DGKH: variants seen among roughly 807,000 people sequenced by gnomAD.
DGKH encodes diacylglycerol kinase eta, also known as DAG kinase eta.
In DGKH, 90 loss-of-function variants were observed where a neutral mutation model predicts 159.3. The observed-to-expected ratio is 0.57, with a 90% CI of 0.48 to 0.67. The LOEUF (loss-of-function observed/expected upper bound fraction) is 0.67, where lower values mean the gene tolerates loss of function less well. Among genes scored for constraint, DGKH ranks in the 30% least tolerant of loss-of-function variants. The pLI is 0.00. For missense variants in DGKH, 1,181 were observed against 1,506.1 expected (o/e 0.78, Z 3.57); for synonymous variants, 536 against 553.8 (o/e 0.97, Z 0.45).
chr13:42,239,390 T>C lies in DGKH; in HGVS notation c.*10202T>C, dbSNP rs1455321355. ...TTAGGTTTTTCTGCCAAGAAACTCA[T>C]AAACTAAAGTATGGAATAACACAAA... On this transcript the variant is annotated 3_prime_UTR_variant, in exon 30 of 30. Transcript: ENST00000337343. 1.3e-5 allele frequency: 2 copies of C among 152,632 alleles called. No homozygotes were observed. Among genetic ancestry groups the C allele is most frequent in the South Asian group, 2.1e-4 (1 of 4,836 alleles). The allele number at this position is 152,632 out of a possible 1,614,324, so 9.5% of individuals were successfully genotyped here. A position where few individuals can be genotyped will look rare whatever the true frequency, so the allele number is the denominator to read the frequency against.
At position 42,048,828 on chromosome 13, in the gene DGKH, G is replaced by A; in HGVS notation, c.55G>A (p.Ala19Thr). ...TCCGGGCGCCGCTGGAGGAGCGGCCGCCGGAGCCGGCGCCGCGGTCACCTC... is the reference window on the plus strand; with the variant it reads ...TCCGGGCGCCGCTGGAGGAGCGGCCACCGGAGCCGGCGCCGCGGTCACCTC... ...HPPGAAGGAA[A>T]GAGAAVTSAA... is the part of the protein sequence containing the mutation. Residue 19 changes from alanine (A) to threonine (T), a missense_variant, in exon 1 of 30, where the codon GCC (alanine) becomes ACC (threonine). Coordinates refer to ENST00000337343, the MANE Select transcript of DGKH (RefSeq NM_178009.5). The surrounding 1 kb of genome is among the most constrained non-coding windows in gnomAD (Gnocchi z 6.7). The A allele has an allele frequency of 1.5e-6, 2 of 1,339,700 alleles. No individual in the cohort carries two copies. Among genetic ancestry groups the A allele is most frequent in the Non-Finnish European group, 1.9e-6 (2 of 1,042,990 alleles). 83.0% of individuals were successfully genotyped at this position (1,339,700 alleles called of 1,614,324 possible).
intron 17 of DGKH, among the ~76,000 whole-genome samples, chr13:42,197,434 A>ATGTTTT (rs1957230207): frequency 6.6e-6 from 1 of 152,080 alleles, no homozygotes; most frequent in African/African-American, 2.4e-5. Flanking sequence ...ATTCAAAACT[A>ATGTTTT]TGACATTAAA....
rs1263555212 is a variant in DGKH at position 42,249,492 on chromosome 13, A to C, written n.4055-2917A>C. 1.3e-5 allele frequency among the ~76,000 whole-genome samples: 2 copies of C among 152,154 alleles called. 1 individual carries two copies. The highest frequency in any genetic ancestry group is 4.1e-4 in the South Asian group (2 of 4,824). On this transcript the variant is annotated intron_variant and non_coding_transcript_variant, in intron 29 of 30. Transcript: ENST00000498255. ...ACCTATTAAACTGATTTTGTAACCC[A>C]CTAATGAGAAGGTCAGCAAACTTTT...
At chr13:42,193,497 A>G (rs1957131901) in intron 16 of DGKH, among the ~76,000 whole-genome samples, 1 of 152,232 alleles carries the variant, frequency 6.6e-6, no homozygotes, top group Non-Finnish European at 1.5e-5. Context: ...AGGCACATTT[A>G]TTGTATCATC....
chr13:42,159,818 A>G (rs1956133482), intron 6 of DGKH, among the ~76,000 whole-genome samples, 193 bp from the exon 7 acceptor site: 1 of 152,226 alleles, frequency 6.6e-6, no homozygotes, highest in African/African-American at 2.4e-5. Flanking sequence ...CCTGAAGGGA[A>G]AAGCTTTTAC....
chr13:42,251,192 T>C lies in DGKH; in HGVS notation n.4055-1217T>C, dbSNP rs554627750. The stretch of plus-strand genomic sequence containing the variant: ...AGCTCTGTGAATTTAAATATTTGTA[T>C]TGGCCGGGCACAGTGGCTCACACCT... On this transcript the variant is annotated intron_variant and non_coding_transcript_variant, in intron 29 of 30. Transcript: ENST00000498255. Among the ~76,000 whole-genome samples, 8 of 152,302 alleles carry C rather than the reference T, an allele frequency of 5.3e-5. No homozygotes were observed. The South Asian group carries it at 1.0e-3, about 20-fold the overall frequency.
At position 42,221,114 on chromosome 13, in the gene DGKH, GA is replaced by G; in HGVS notation, c.3443-148del. On this transcript the variant is annotated intron_variant, in intron 28 of 29. Transcript: ENST00000337343. ...TGTGTAACTTGCATGGGAAAAAGTGGAACTATGGTTTTGTTGAAACAACACC... is the reference window on the plus strand; with the variant it reads ...TGTGTAACTTGCATGGGAAAAAGTGGACTATGGTTTTGTTGAAACAACACC... 4.0e-6 allele frequency: 4 copies of G among 1,005,058 alleles called. No homozygotes were observed. In the South Asian group the frequency reaches 7.0e-5, roughly 18 times the overall value. The allele number at this position is 1,005,058 out of a possible 1,614,324, so 62.3% of individuals were successfully genotyped here. A position where few individuals can be genotyped will look rare whatever the true frequency, so the allele number is the denominator to read the frequency against.
intron 11 of DGKH, among the ~76,000 whole-genome samples, chr13:42,171,834 T>TTTC: frequency 6.8e-6 from 1 of 147,038 alleles, no homozygotes; most frequent in East Asian, 2.0e-4. Flanking sequence ...ATTTCTTTTT[T>TTTC]TTTTTTTTTT....
At chr13:42,041,098 G>C (rs1385803998) in intron 1 of DGKH, among the ~76,000 whole-genome samples, 2 of 152,110 alleles carry the variant, frequency 1.3e-5, no homozygotes, top group Non-Finnish European at 2.9e-5. Flanking sequence ...CTCGCGCGCC[G>C]CCTGGAGCGC....
At chr13:42,092,472 A>G (rs1371268705) in intron 1 of DGKH, among the ~76,000 whole-genome samples, 2 of 152,190 alleles carry the variant, frequency 1.3e-5, no homozygotes, top group African/African-American at 4.8e-5. Flanking sequence ...AGGTCATTAT[A>G]TGAAGGGGAA....
chr13:42,077,241 T>G (rs968093214), intron 1 of DGKH, among the ~76,000 whole-genome samples: 1 of 150,606 alleles, frequency 6.6e-6, no homozygotes, highest in African/African-American at 2.4e-5. Flanking sequence ...ATATTATGAA[T>G]TTCACAACAT....
At chr13:42,149,259 T>G (rs1195189387) in intron 3 of DGKH, among the ~76,000 whole-genome samples, 1 of 152,134 alleles carries the variant, frequency 6.6e-6, no homozygotes, top group African/African-American at 2.4e-5. Flanking sequence ...AGTATCTTCT[T>G]CCCCGACAAA....
chr13:42,142,928 A>G (rs1461315668), intron 3 of DGKH, among the ~76,000 whole-genome samples: 1 of 152,136 alleles, frequency 6.6e-6, no homozygotes, highest in Non-Finnish European at 1.5e-5. Flanking sequence ...AACTTCCAAC[A>G]CTGTGTTGAA....
intron 1 of DGKH, among the ~76,000 whole-genome samples, chr13:42,099,830 G>A (rs973394915): frequency 3.2e-4 from 48 of 152,286 alleles, no homozygotes; most frequent in Non-Finnish European, 1.6e-4. Context: ...AGCTGGGGTT[G>A]AAGGATGTTT....
intron 12 of DGKH, among the ~76,000 whole-genome samples, chr13:42,176,027 A>T (rs930807303): frequency 6.6e-6 from 1 of 152,168 alleles, no homozygotes; most frequent in African/African-American, 2.4e-5. Flanking sequence ...ATTATTACTT[A>T]CCTTTCTGAC....
chr13:42,130,958 C>T (rs561897160), intron 3 of DGKH, among the ~76,000 whole-genome samples: 1 of 151,780 alleles, frequency 6.6e-6, no homozygotes, highest in East Asian at 1.9e-4. Context: ...GTTATAAAAA[C>T]CAAGCAGAAG....
intron 29 of DGKH, among the ~76,000 whole-genome samples, chr13:42,249,817 C>A (rs1349190922): frequency 6.6e-6 from 1 of 150,948 alleles, no homozygotes; most frequent in Non-Finnish European, 1.5e-5. Context: ...TTTTCAGGAA[C>A]CACCCTGGAC....
At chr13:42,067,313 T>C (rs557525125) in intron 1 of DGKH, among the ~76,000 whole-genome samples, 6 of 152,312 alleles carry the variant, frequency 3.9e-5, no homozygotes, top group Admixed American at 1.3e-4. Flanking sequence ...GTTTAGAACC[T>C]ATCAAATGAG....
chr13:42,060,330 A>G (rs1882059328), intron 1 of DGKH, among the ~76,000 whole-genome samples: 1 of 152,096 alleles, frequency 6.6e-6, no homozygotes, highest in African/African-American at 2.4e-5. Context: ...TCCTAAGTTA[A>G]TGTGATTAAT....
Sources: allele counts gnomAD v4.1 joint callset (sites outside exome capture counted in the v4.1 genomes callset), GRCh38; gene constraint gnomAD v4.1.1; non-coding constraint Gnocchi (gnomAD v3.1); transcripts MANE v1.5; gene names NCBI Gene and HGNC (gene_info 2026-07-23, HGNC 2026-07-21).